STK3: variants seen among roughly 807,000 people sequenced by gnomAD.
The protein encoded by STK3 is serine/threonine-protein kinase 3.
STK3 carries 41 observed loss-of-function variants against 58.0 expected under a neutral mutation model. That is an observed-to-expected ratio of 0.71 (90% CI 0.55 to 0.92). STK3 has a LOEUF of 0.92. Ranked by LOEUF, STK3 falls within the 40% of genes least tolerant of loss-of-function variation. The pLI, the probability that STK3 is intolerant of heterozygous loss-of-function variation, is 0.00. For synonymous variants in STK3, 170 were observed against 191.0 expected, an observed-to-expected ratio of 0.89 and a Z score of 0.91; for missense variants, 479 against 602.7, an observed-to-expected ratio of 0.79 and a Z score of 2.15.
intron 6 of STK3, among the ~76,000 whole-genome samples, chr8:98,643,696 C>A (rs1286599033): frequency 1.3e-5 from 2 of 152,140 alleles, no homozygotes; most frequent in African/African-American, 2.4e-5. Context: ...TGATGCACAA[C>A]AAATATTTGT....
At chr8:98,746,421 A>C (rs917055355) in intron 4 of STK3, among the ~76,000 whole-genome samples, 1 of 152,120 alleles carries the variant, frequency 6.6e-6, no homozygotes, top group East Asian at 1.9e-4. Flanking sequence ...ATATGAGCCT[A>C]GGCAGCGAAG....
intron 3 of STK3, among the ~76,000 whole-genome samples, chr8:98,414,641 C>T (rs1323819029): frequency 6.6e-6 from 1 of 152,214 alleles, no homozygotes; most frequent in African/African-American, 2.4e-5. Flanking sequence ...TAGCTCTTCA[C>T]CCCGCCTGAT....
At chr8:98,688,713 C>A (rs1824187492) in intron 6 of STK3, among the ~76,000 whole-genome samples, 2 of 152,102 alleles carry the variant, frequency 1.3e-5, no homozygotes, top group South Asian at 4.2e-4. Flanking sequence ...TAAAAAAGTT[C>A]TTTGAAAAAA....
chr8:98,676,407 G>C (rs561439991), intron 6 of STK3, among the ~76,000 whole-genome samples: 2 of 152,266 alleles, frequency 1.3e-5, no homozygotes, highest in East Asian at 3.9e-4. Context: ...TCAGGAGTTA[G>C]AGACCATCCA....
chr8:98,582,898 T>C (rs1324516873), intron 7 of STK3, among the ~76,000 whole-genome samples: 1 of 152,162 alleles, frequency 6.6e-6, no homozygotes, highest in Non-Finnish European at 1.5e-5. Flanking sequence ...TATCCCAATT[T>C]ATTTATTTAG....
intron 3 of STK3, among the ~76,000 whole-genome samples, chr8:98,751,223 C>T (rs1020049917): frequency 3.3e-5 from 5 of 152,168 alleles, no homozygotes; most frequent in African/African-American, 1.2e-4. Flanking sequence ...CTCACCATTC[C>T]TGTTTAACAT....
chr8:98,672,370 A>T (rs1276452729), intron 6 of STK3, among the ~76,000 whole-genome samples: 1 of 152,176 alleles, frequency 6.6e-6, no homozygotes, highest in Non-Finnish European at 1.5e-5. Flanking sequence ...CAACAGAGAG[A>T]AACCTTGTAT....
At position 98,749,349 on chromosome 8, in the gene STK3, G is replaced by A. The variant is rs200521127; in HGVS notation, c.278C>T (p.Thr93Ile). The change falls in exon 4 of 11, where the codon ACA (threonine) becomes ATA (isoleucine). Residue 93 changes from threonine to isoleucine, a missense_variant. Thr to Ile is a moderately conservative substitution (Grantham distance 89). This residue lies in a region of STK3 where 126 missense variants were observed against 210.1 expected (regional missense o/e 0.60). Transcript: ENST00000419617. Reference protein sequence around the residue: ...VKYYGSYFKNTDLWIVMEYCG... With the variant: ...VKYYGSYFKNIDLWIVMEYCG... ...GTACTCCATAACAATCCAGAGGTCT[G>A]TATTCTTAAAATAACTGCCATAGTA... The A allele has an allele frequency of 1.1e-5, 18 of 1,606,624 alleles. No individual in the cohort carries two copies. In the African/African-American group the frequency reaches 1.5e-4, roughly 13 times the overall value.
chr8:98,725,374 C>A (rs1420071449), intron 4 of STK3, among the ~76,000 whole-genome samples: 1 of 152,020 alleles, frequency 6.6e-6, no homozygotes, highest in Non-Finnish European at 1.5e-5. Flanking sequence ...CTCTTTTGTA[C>A]CCTTTTGTAT....
intron 6 of STK3, among the ~76,000 whole-genome samples, chr8:98,651,922 AG>A (rs1352663221): frequency 2.2e-5 from 3 of 135,914 alleles, no homozygotes; most frequent in Non-Finnish European, 3.5e-5. Flanking sequence ...GATATTATCC[AG>A]GAGAACTTCC....
intron 10 of STK3, among the ~76,000 whole-genome samples, chr8:98,475,201 T>C (rs982289901): frequency 1.3e-5 from 2 of 152,160 alleles, no homozygotes; most frequent in Admixed American, 6.5e-5. Context: ...TTAGGGACCA[T>C]AATTTCTATG....
the STK3 span, among the ~76,000 whole-genome samples, chr8:98,345,559 G>T: frequency 6.6e-6 from 1 of 151,940 alleles, no homozygotes; most frequent in Non-Finnish European, 1.5e-5. Flanking sequence ...CCACCTAAAG[G>T]CTGGAGGAAG....
At chr8:98,663,704 A>C (rs1822134461) in intron 6 of STK3, among the ~76,000 whole-genome samples, 1 of 152,192 alleles carries the variant, frequency 6.6e-6, no homozygotes, top group Admixed American at 6.5e-5. Flanking sequence ...AAAAATGATG[A>C]GTTCATGTCC....
At chr8:98,725,644 C>CTTTTCATA (rs1303740306) in intron 4 of STK3, among the ~76,000 whole-genome samples, 1 of 152,040 alleles carries the variant, frequency 6.6e-6, no homozygotes, top group African/African-American at 2.4e-5. Context: ...ACACAATGAT[C>CTTTTCATA]TTTTCATATG....
intron 1 of STK3, among the ~76,000 whole-genome samples, chr8:98,446,327 AT>A (rs1818947889): frequency 6.6e-6 from 1 of 152,210 alleles, no homozygotes; most frequent in South Asian, 2.1e-4. Context: ...AGCTGCCTTT[AT>A]TTCTGTATTT....
At chr8:98,610,536 T>A (rs1817114519) in intron 6 of STK3, among the ~76,000 whole-genome samples, 1 of 152,340 alleles carries the variant, frequency 6.6e-6, no homozygotes, top group East Asian at 1.9e-4. Context: ...GGCACACACG[T>A]CTTAGCTCTA....
At chr8:98,713,739 T>A (rs1176146228) in intron 4 of STK3, among the ~76,000 whole-genome samples, 1 of 151,880 alleles carries the variant, frequency 6.6e-6, no homozygotes, top group Non-Finnish European at 1.5e-5. Context: ...ACTATTCCAA[T>A]CAATAGAAAA....
chr8:98,554,532 G>A (rs72666642), intron 8 of STK3, among the ~76,000 whole-genome samples: 4,517 of 152,160 alleles, frequency 0.03, 97 homozygotes, highest in South Asian at 0.061. Context: ...TAAAAACATT[G>A]AATTAAGTTT....
At chr8:98,654,998 TG>T (rs1254698383) in intron 6 of STK3, among the ~76,000 whole-genome samples, 3 of 151,182 alleles carry the variant, frequency 2.0e-5, no homozygotes, top group Admixed American at 6.6e-5. Flanking sequence ...AAAGTTCATA[TG>T]GAAAAAAAAA....
Sources: allele counts gnomAD v4.1 joint callset (sites outside exome capture counted in the v4.1 genomes callset), GRCh38; gene constraint gnomAD v4.1.1; regional missense constraint gnomAD v4.1.1; transcripts MANE v1.5; gene names NCBI Gene and HGNC (gene_info 2026-07-23, HGNC 2026-07-21).